MAML2: variants seen among roughly 807,000 people sequenced by gnomAD.
MAML2 encodes the protein mastermind like transcriptional coactivator 2, also known as mastermind-like protein 2.
A neutral mutation model predicts 96.1 loss-of-function variants in MAML2; 22 were observed. The ratio of observed to expected loss-of-function variants is 0.23; its 90% CI spans 0.16 to 0.33. MAML2 has a LOEUF of 0.33. Ranked by LOEUF, MAML2 falls within the 10% of genes least tolerant of loss-of-function variation. MAML2 has a pLI of 1.00. For synonymous variants in MAML2, 561 were observed against 521.3 expected (o/e 1.08, Z -1.04); for missense variants, 1,367 against 1,392.4 (o/e 0.98, Z 0.29).
intron 2 of MAML2, among the ~76,000 whole-genome samples, chr11:95,998,398 G>A (rs951555766): frequency 2.0e-5 from 3 of 152,152 alleles, no homozygotes; most frequent in Non-Finnish European, 4.4e-5. Context: ...AAATGCTTTG[G>A]ACATGATGGG....
intron 1 of MAML2, among the ~76,000 whole-genome samples, chr11:96,208,917 T>C (rs2135936740): frequency 1.3e-5 from 2 of 152,284 alleles, no homozygotes; most frequent in South Asian, 4.1e-4. Context: ...TTTAGAGAAA[T>C]GTAACTTACC....
At chr11:96,181,520 A>G (rs1279977332) in intron 1 of MAML2, among the ~76,000 whole-genome samples, 1 of 152,168 alleles carries the variant, frequency 6.6e-6, no homozygotes, top group Non-Finnish European at 1.5e-5. Flanking sequence ...TAATAGGAAA[A>G]TCTTCCTTTA....
chr11:96,302,362 G>A (rs1450936497), intron 1 of MAML2, among the ~76,000 whole-genome samples: 1 of 152,106 alleles, frequency 6.6e-6, no homozygotes, highest in African/African-American at 2.4e-5. Flanking sequence ...CTGTTGTTCT[G>A]GCTCACTCAG....
At chr11:96,190,580 A>G (rs1205126082) in intron 1 of MAML2, among the ~76,000 whole-genome samples, 1 of 152,242 alleles carries the variant, frequency 6.6e-6, no homozygotes, top group East Asian at 1.9e-4. Context: ...ACGCATGCAG[A>G]ATAAATTTAT....
chr11:96,260,558 C>T (rs1862734629), intron 1 of MAML2, among the ~76,000 whole-genome samples: 1 of 152,156 alleles, frequency 6.6e-6, no homozygotes, highest in Middle Eastern at 3.2e-3. Context: ...AACACCAGGG[C>T]TGCCCTCACT....
At chr11:96,035,346 C>T (rs991493988) in intron 2 of MAML2, among the ~76,000 whole-genome samples, 3 of 152,134 alleles carry the variant, frequency 2.0e-5, no homozygotes, top group Admixed American at 6.5e-5. Context: ...AAAAGTAGTG[C>T]GTGTTTTAGG....
Position 95,979,409 on chromosome 11 carries a change from C to T in MAML2, c.3010G>A (p.Val1004Ile), listed in dbSNP as rs368607987. Residue 1004 changes from valine (V) to isoleucine (I), a missense_variant, in exon 5 of 5, where the codon GTA (valine) becomes ATA (isoleucine). Coordinates refer to ENST00000524717, the MANE Select transcript of MAML2 (RefSeq NM_032427.4). ...CTCTGGGAAAATTGCTGGCTACCTA[C>T]TGCCTGTTGCAGTGACTGATTTGGG... The part of the protein sequence containing the change: ...YTPNQSLQQA[V>I]GSQQFSQRAV... 2.5e-6 allele frequency: 4 copies of T among 1,613,488 alleles called. No homozygotes were observed. Among genetic ancestry groups the T allele is most frequent in the African/African-American group, 1.3e-5 (1 of 74,926 alleles).
At chr11:96,039,356 G>A (rs1490235121) in intron 2 of MAML2, among the ~76,000 whole-genome samples, 1 of 140,470 alleles carries the variant, frequency 7.1e-6, no homozygotes, top group Admixed American at 7.1e-5. Flanking sequence ...AGAGGAGACA[G>A]GAGAGGGGAG....
In MAML2 at chr11:95,985,598, C is replaced by T. The variant is rs1404707824; in HGVS notation, c.2388G>A (p.Arg796=). ...TTTGGTCTTTATAATCTGGAGGTGGCCTTGACAAATGTCGGTTTATCTGAT... is the reference window on the plus strand; with the variant it reads ...TTTGGTCTTTATAATCTGGAGGTGGTCTTGACAAATGTCGGTTTATCTGAT... The part of the protein sequence containing the change: ...PQDQINRHLS[R]PPPDYKDQRR... Residue 796 remains arginine (R), a synonymous_variant, in exon 4 of 5, where the codon AGG becomes AGA. Coordinates refer to ENST00000524717, the MANE Select transcript of MAML2 (RefSeq NM_032427.4). 4 of 1,612,630 alleles carry T rather than the reference C, an allele frequency of 2.5e-6. No homozygotes were observed. Among genetic ancestry groups the T allele is most frequent in the Non-Finnish European group, 2.5e-6 (3 of 1,179,176 alleles).
At chr11:95,991,212 C>G (rs923643370) in intron 3 of MAML2, among the ~76,000 whole-genome samples, 2 of 152,092 alleles carry the variant, frequency 1.3e-5, no homozygotes, top group East Asian at 1.9e-4. Flanking sequence ...GCCCCTTAAG[C>G]CTGGGGAACA....
chr11:95,978,388 G>A lies in MAML2; in HGVS notation c.*560C>T. The A allele has an allele frequency of 5.1e-6, 1 of 197,098 alleles. No homozygotes were observed. Among genetic ancestry groups the A allele is most frequent in the Non-Finnish European group, 1.1e-5 (1 of 95,124 alleles). The allele number at this position is 197,098 out of a possible 1,614,324, so 12.2% of individuals were successfully genotyped here. ...TGGGGAAGAAATTCTGTAATCCACT[G>A]GATGTTTTCTAGGTTCTCTGGCTTT... On this transcript the variant is annotated 3_prime_UTR_variant, in exon 5 of 5. Transcript: ENST00000524717.
rs1040959434 is a variant in MAML2, at chr11:96,035,763, G to T, written c.2140-44040C>A. Among the ~76,000 whole-genome samples the T allele has an allele frequency of 7.5e-4, 114 of 152,296 alleles. 1 individual carries two copies. Among genetic ancestry groups the T allele is most frequent in the African/African-American group, 2.7e-3 (112 of 41,570 alleles). ...TCTTCATATATTCAAAAGAGACTGA[G>T]GAGATTTCTGTTCCATGAAATGCAA... On this transcript the variant is annotated intron_variant, in intron 2 of 4. Transcript: ENST00000524717.
chr11:96,093,989 C>CT (rs11361832), intron 1 of MAML2, among the ~76,000 whole-genome samples: 11 of 151,280 alleles, frequency 7.3e-5, no homozygotes, highest in African/African-American at 1.9e-4. Context: ...TCTCTAGTTT[C>CT]TTTTTTTTTT....
intron 1 of MAML2, among the ~76,000 whole-genome samples, chr11:96,110,957 A>G (rs567985659): frequency 6.6e-6 from 1 of 152,356 alleles, no homozygotes; most frequent in East Asian, 1.9e-4. Flanking sequence ...ATGCTCCTGA[A>G]TAAGAAGGCT....
chr11:96,161,137 G>A (rs1386666646), intron 1 of MAML2, among the ~76,000 whole-genome samples: 2 of 152,222 alleles, frequency 1.3e-5, no homozygotes, highest in African/African-American at 4.8e-5. Context: ...AAACTGCAGA[G>A]CTGAGGAGAG....
At chr11:96,043,791 TC>T (rs1200089426) in intron 2 of MAML2, among the ~76,000 whole-genome samples, 1 of 152,254 alleles carries the variant, frequency 6.6e-6, no homozygotes, top group African/African-American at 2.4e-5. Context: ...GTGTTTTCTT[TC>T]TAGGAACTTT....
intron 2 of MAML2, among the ~76,000 whole-genome samples, chr11:96,032,743 T>A (rs1858638607): frequency 6.6e-6 from 1 of 152,144 alleles, no homozygotes; most frequent in African/African-American, 2.4e-5. Flanking sequence ...TATATTTAAA[T>A]CACAAGGTTG....
intron 1 of MAML2, among the ~76,000 whole-genome samples, chr11:96,121,780 A>ATTTTTTTCTTTTTTTTTTTTTTTTT (rs1860346466): frequency 2.8e-5 from 1 of 35,238 alleles, no homozygotes; most frequent in Non-Finnish European, 4.9e-5. Context: ...CAACTGCGTG[A>ATTTTTTTCTTTTTTTTTTTTTTTTT]TTTTTTTTTT....
chr11:96,171,853 C>A (rs1160548820), intron 1 of MAML2, among the ~76,000 whole-genome samples: 1 of 152,230 alleles, frequency 6.6e-6, no homozygotes, highest in African/African-American at 2.4e-5. Context: ...CCCTTGCCTG[C>A]CACCTTCTCC....
Sources: allele counts gnomAD v4.1 joint callset (sites outside exome capture counted in the v4.1 genomes callset), GRCh38; gene constraint gnomAD v4.1.1; transcripts MANE v1.5; gene names NCBI Gene and HGNC (gene_info 2026-07-23, HGNC 2026-07-21).